The following PTGDR variants were observed in gnomAD, a reference collection of about 807,000 sequenced individuals.
PTGDR encodes prostaglandin D2 receptor.
In PTGDR, 19 loss-of-function variants were observed where a neutral mutation model predicts 17.4. The ratio of observed to expected loss-of-function variants is 1.09; its 90% CI spans 0.76 to 1.60. PTGDR has a LOEUF of 1.60. Ranked by LOEUF, PTGDR falls within the 40% of genes most tolerant of loss-of-function variation. PTGDR has a pLI of 0.00. For missense variants in PTGDR, 526 were observed against 481.9 expected (o/e 1.09, Z -0.86); for synonymous variants, 267 against 224.2 (o/e 1.19, Z -1.71).
downstream of PTGDR, among the ~76,000 whole-genome samples, chr14:52,280,635 T>G (rs2033476049): frequency 6.6e-6 from 1 of 152,226 alleles, no homozygotes; most frequent in Non-Finnish European, 1.5e-5. Context: ...GAGAACTCAG[T>G]CATCCCTCTG....
Position 52,268,560 on chromosome 14 carries a change from A to T in PTGDR, c.746A>T (p.Asp249Val). The part of the protein sequence containing the change: ...CTRDCAEPRA[D>V]GREASPQPLE... ...AGGGACTGTGCCGAGCCGCGCGCGGACGGGAGGGAAGCGTCCCCTCAGCCC... is the reference window on the plus strand; with the variant it reads ...AGGGACTGTGCCGAGCCGCGCGCGGTCGGGAGGGAAGCGTCCCCTCAGCCC... The change falls in exon 1 of 2, where the codon GAC (aspartate) becomes GTC (valine). Residue 249 changes from aspartate to valine, a missense_variant. By Grantham distance (152) the Asp-to-Val change is radical. Coordinates refer to ENST00000306051, the MANE Select transcript of PTGDR (RefSeq NM_000953.3). The T allele has an allele frequency of 6.2e-7, 1 of 1,612,684 alleles. No individual in the cohort carries two copies. The highest frequency in any genetic ancestry group is 8.5e-7 in the Non-Finnish European group (1 of 1,179,612).
In PTGDR at chr14:52,268,364, T is replaced by C. The variant is rs139909485; in HGVS notation, c.550T>C (p.Phe184Leu). 1 of 1,613,118 alleles carries C rather than the reference T, an allele frequency of 6.2e-7. No homozygotes were observed. The highest frequency in any genetic ancestry group is 8.5e-7 in the Non-Finnish European group (1 of 1,180,040). ...FVQYCPGTWC[F>L]IQMVHEEGSL... The stretch of plus-strand genomic sequence containing the variant: ...GCAGTACTGCCCCGGCACCTGGTGC[T>C]TTATCCAGATGGTCCACGAGGAGGG... Residue 184 changes from phenylalanine to leucine, a missense_variant, in exon 1 of 2, where the codon TTT becomes CTT. Physicochemically the swap from Phe to Leu is conservative, Grantham distance 22. Coordinates refer to ENST00000306051, the MANE Select transcript of PTGDR (RefSeq NM_000953.3).
downstream of PTGDR, among the ~76,000 whole-genome samples, chr14:52,279,872 T>C (rs2033469028): frequency 1.3e-5 from 2 of 152,014 alleles, no homozygotes; most frequent in African/African-American, 4.8e-5. Flanking sequence ...ATAAGCTTTT[T>C]TTTTTTCCTA....
At chr14:52,273,435 C>T (rs2033359970) in intron 1 of PTGDR, among the ~76,000 whole-genome samples, 2 of 152,194 alleles carry the variant, frequency 1.3e-5, no homozygotes, top group Non-Finnish European at 2.9e-5. Flanking sequence ...AAGTGTTCAG[C>T]ATTAAAGTGA....
Position 52,268,063 on chromosome 14 carries a change from G to T in PTGDR, c.249G>T (p.Val83=), listed in dbSNP as rs750532466. The T allele has an allele frequency of 1.9e-6, 3 of 1,612,938 alleles. No homozygotes were observed. The South Asian group carries it at 3.3e-5, about 18-fold the overall frequency. ...GCAAGTGCCTCCTAAGCCCGGTGGT[G>T]CTGGCTGCCTACGCTCAGAACCGGA... ...LLGKCLLSPV[V]LAAYAQNRSL... is the part of the protein sequence containing the mutation. Residue 83 remains valine, a synonymous_variant, in exon 1 of 2, where the codon GTG becomes GTT. Transcript: ENST00000306051.
chr14:52,268,253 C>G lies in PTGDR; in HGVS notation c.439C>G (p.Arg147Gly), dbSNP rs755045639. 2.5e-6 allele frequency: 4 copies of G among 1,613,868 alleles called. No individual in the cohort carries two copies. In the South Asian group the frequency reaches 3.3e-5, roughly 13 times the overall value. ...PFFYRRHITL[R>G]LGALVAPVVS... ...CTTCTACCGACGGCACATCACCCTG[C>G]GCCTGGGCGCACTGGTGGCCCCGGT... is the stretch of plus-strand genomic sequence containing the variant. Residue 147 changes from arginine (R) to glycine (G), a missense_variant, in exon 1 of 2, where the codon CGC becomes GGC. Arg to Gly is a moderately radical substitution (Grantham distance 125, BLOSUM62 -2). Transcript: ENST00000306051.
chr14:52,277,503 A>G (rs1410101811), downstream of PTGDR, among the ~76,000 whole-genome samples: 2 of 152,216 alleles, frequency 1.3e-5, no homozygotes, highest in Non-Finnish European at 2.9e-5. Flanking sequence ...CAAAAAACCT[A>G]TGACTCTCAA....
At chr14:52,270,100 C>T (rs2033295801) in intron 1 of PTGDR, among the ~76,000 whole-genome samples, 1 of 152,162 alleles carries the variant, frequency 6.6e-6, no homozygotes, top group Non-Finnish European at 1.5e-5. Flanking sequence ...TTACATCTCC[C>T]TGGAGTTAAG....
At chr14:52,280,381 G>A (rs577657095), downstream of PTGDR, among the ~76,000 whole-genome samples, 391 of 152,258 alleles carry the variant, frequency 2.6e-3, no homozygotes, top group African/African-American at 8.9e-3. Context: ...AATAAATCTT[G>A]GGACCCCAAA....
chr14:52,267,921 T>C lies in PTGDR; in HGVS notation c.107T>C (p.Leu36Pro), dbSNP rs199648779. 9.9e-6 allele frequency: 16 copies of C among 1,610,220 alleles called. No homozygotes were observed. The highest frequency in any genetic ancestry group is 1.7e-5 in the Admixed American group (1 of 59,826). ...AGCACCGGCCTCCTGGGCAACCTGC[T>C]GGCCCTGGGGCTGCTGGCGCGCTCG... ...LFSTGLLGNL[L>P]ALGLLARSGL... The change falls in exon 1 of 2, where the codon CTG (leucine) becomes CCG (proline). Residue 36 changes from leucine (L) to proline (P), a missense_variant. Transcript: ENST00000306051.
intron 1 of PTGDR, chr14:52,269,462 T>C: frequency 6.5e-7 from 1 of 1,534,450 alleles, no homozygotes; most frequent in Non-Finnish European, 8.7e-7. Context: ...CATTTGTTCC[T>C]GGAGTCCCCG....
rs1349889575 is a variant in PTGDR, at chr14:52,275,011, A to G, written c.*47A>G. 1.5e-6 allele frequency: 2 copies of G among 1,347,142 alleles called. No homozygotes were observed. Among genetic ancestry groups the G allele is most frequent in the Non-Finnish European group, 2.0e-6 (2 of 976,330 alleles). 83.4% of individuals were successfully genotyped at this position (1,347,142 alleles called of 1,614,324 possible). ...AAGCTGAGGAATATGTCACATTTTC[A>G]GTCAAAGAACCATGATTAAAAAAAA... On this transcript the variant is annotated 3_prime_UTR_variant, in exon 2 of 2. Coordinates refer to ENST00000306051, the MANE Select transcript of PTGDR (RefSeq NM_000953.3).
Position 52,275,014 on chromosome 14 carries a change from C to T in PTGDR, c.*50C>T. 2 of 1,288,066 alleles carry T rather than the reference C, an allele frequency of 1.6e-6. No homozygotes were observed. The highest frequency in any genetic ancestry group is 2.1e-6 in the Non-Finnish European group (2 of 930,530). The allele number at this position is 1,288,066 out of a possible 1,614,324, so 79.8% of individuals were successfully genotyped here. On this transcript the variant is annotated 3_prime_UTR_variant, in exon 2 of 2. Transcript: ENST00000306051. ...CTGAGGAATATGTCACATTTTCAGTCAAAGAACCATGATTAAAAAAAAAAA... is the reference window on the plus strand; with the variant it reads ...CTGAGGAATATGTCACATTTTCAGTTAAAGAACCATGATTAAAAAAAAAAA...
rs1186808961 is a variant in PTGDR, at chr14:52,268,219, G to A, written c.405G>A (p.Gly135=). ...CACTGGAGTGCTGGCTCTCCCTAGG[G>A]CACCCTTTCTTCTACCGACGGCACA... ...AMALECWLSL[G]HPFFYRRHIT... The change falls in exon 1 of 2, where the codon GGG becomes GGA. Residue 135 remains glycine, a synonymous_variant. Coordinates refer to ENST00000306051, the MANE Select transcript of PTGDR (RefSeq NM_000953.3). 1.2e-6 allele frequency: 2 copies of A among 1,614,042 alleles called. No individual in the cohort carries two copies. The highest frequency in any genetic ancestry group is 8.5e-7 in the Non-Finnish European group (1 of 1,180,044).
chr14:52,268,532 A>T lies in PTGDR; in HGVS notation c.718A>T (p.Thr240Ser). The stretch of plus-strand genomic sequence containing the variant: ...GCTGCAGCGGCACCCGCGCTCCTGC[A>T]CCAGGGACTGTGCCGAGCCGCGCGC... ...RRLQRHPRSC[T>S]RDCAEPRADG... Residue 240 changes from threonine to serine, a missense_variant, in exon 1 of 2, where the codon ACC becomes TCC. Coordinates refer to ENST00000306051, the MANE Select transcript of PTGDR (RefSeq NM_000953.3). 6.2e-7 allele frequency: 1 copy of T among 1,612,388 alleles called. No individual in the cohort carries two copies. The highest frequency in any genetic ancestry group is 8.5e-7 in the Non-Finnish European group (1 of 1,179,694).
Position 52,268,491 on chromosome 14 carries a change from A to T in PTGDR, c.677A>T (p.Tyr226Phe). 1 of 1,610,736 alleles carries T rather than the reference A, an allele frequency of 6.2e-7. No individual in the cohort carries two copies. Among genetic ancestry groups the T allele is most frequent in the Non-Finnish European group, 8.5e-7 (1 of 1,179,862 alleles). Reference protein sequence around the residue: ...LCNLGAMRNLYAMHRRLQRHP... With the variant: ...LCNLGAMRNLFAMHRRLQRHP... ...AACCTCGGCGCCATGCGCAACCTCT[A>T]TGCGATGCACCGGCGGCTGCAGCGG... The change falls in exon 1 of 2, where the codon TAT becomes TTT. Residue 226 changes from tyrosine to phenylalanine, a missense_variant. Physicochemically the swap from Tyr to Phe is conservative, Grantham distance 22. Transcript: ENST00000306051.
intron 1 of PTGDR, among the ~76,000 whole-genome samples, chr14:52,272,722 A>T (rs1190337033): frequency 6.6e-6 from 1 of 151,956 alleles, no homozygotes; most frequent in Non-Finnish European, 1.5e-5. Context: ...TGGGCCCATC[A>T]CTTGCCTGTT....
chr14:52,279,375 C>G (rs1004702226), downstream of PTGDR, among the ~76,000 whole-genome samples: 1 of 152,076 alleles, frequency 6.6e-6, no homozygotes, highest in South Asian at 2.1e-4. Flanking sequence ...AATTTTTATC[C>G]AGGAAATAGC....
In PTGDR at chr14:52,268,021, G is replaced by C. The variant is rs1212788637; in HGVS notation, c.207G>C (p.Thr69=). 2 of 1,610,680 alleles carry C rather than the reference G, an allele frequency of 1.2e-6. No individual in the cohort carries two copies. Among genetic ancestry groups the C allele is most frequent in the South Asian group, 1.1e-5 (1 of 91,094 alleles). The change falls in exon 1 of 2, where the codon ACG becomes ACC. Residue 69 remains threonine, a synonymous_variant. Transcript: ENST00000306051. The part of the protein sequence containing the change: ...SVFYMLVCGL[T]VTDLLGKCLL... ...TCTACATGCTGGTGTGTGGCCTGAC[G>C]GTCACCGACTTGCTGGGCAAGTGCC...
Sources: allele counts gnomAD v4.1 joint callset (sites outside exome capture counted in the v4.1 genomes callset), GRCh38; gene constraint gnomAD v4.1.1; transcripts MANE v1.5; gene names NCBI Gene and HGNC (gene_info 2026-07-23, HGNC 2026-07-21).